The following ITGA11 variants were observed in gnomAD, a reference collection of about 807,000 sequenced individuals.
ITGA11 encodes integrin alpha-11.
In ITGA11, 97 loss-of-function variants were observed where a neutral mutation model predicts 141.9. That is an observed-to-expected ratio of 0.68 (90% CI 0.58 to 0.81). The LOEUF (loss-of-function observed/expected upper bound fraction) is 0.81, where lower values mean the gene tolerates loss of function less well. Among genes scored for constraint, ITGA11 ranks in the 30% least tolerant of loss-of-function variants. The pLI, the probability that ITGA11 is intolerant of heterozygous loss-of-function variation, is 0.00. For missense variants in ITGA11, 1,387 were observed against 1,559.2 expected (o/e 0.89, Z 1.86); for synonymous variants, 658 against 624.6 (o/e 1.05, Z -0.80).
chr15:68,383,037 C>T (rs1224960148), intron 2 of ITGA11, among the ~76,000 whole-genome samples: 4 of 151,980 alleles, frequency 2.6e-5, no homozygotes, highest in Admixed American at 6.5e-5. Flanking sequence ...TTTTGGAGGC[C>T]GAGGCAGGCG....
At chr15:68,408,391 A>T (rs906661229) in intron 1 of ITGA11, among the ~76,000 whole-genome samples, 2 of 151,918 alleles carry the variant, frequency 1.3e-5, no homozygotes, top group African/African-American at 4.8e-5. Flanking sequence ...TGACTGTCTG[A>T]TTACTCCTGT....
chr15:68,344,629 G>A (rs1159426698), intron 10 of ITGA11, among the ~76,000 whole-genome samples: 2 of 151,940 alleles, frequency 1.3e-5, no homozygotes, highest in African/African-American at 4.8e-5. Context: ...AAGAAGCGGA[G>A]GGAGAAAGAG....
chr15:68,364,633 TA>T, intron 4 of ITGA11, 73 bp downstream of exon 4: 1 of 935,174 alleles, frequency 1.1e-6, no homozygotes, highest in Non-Finnish European at 1.7e-6. Context: ...TGAGGGTGTG[TA>T]AGGAGACGCT....
intron 1 of ITGA11, among the ~76,000 whole-genome samples, chr15:68,408,481 A>C (rs1330312992): frequency 2.0e-5 from 3 of 152,132 alleles, no homozygotes; most frequent in Admixed American, 6.5e-5. Flanking sequence ...CACTTAGCAC[A>C]GGGGATGAGT....
At chr15:68,363,639 C>A (rs974312410) in intron 4 of ITGA11, among the ~76,000 whole-genome samples, 1 of 152,192 alleles carries the variant, frequency 6.6e-6, no homozygotes, top group Admixed American at 6.5e-5. Context: ...AGCACCCCAT[C>A]TAAAAATGGG....
chr15:68,410,532 GA>G (rs112407055), intron 1 of ITGA11, among the ~76,000 whole-genome samples: 6,275 of 151,912 alleles, frequency 0.041, 399 homozygotes, highest in African/African-American at 0.14. Context: ...TGCTATGGGG[GA>G]AAAAAAACAA....
chr15:68,418,952 C>T (rs893461651), intron 1 of ITGA11, among the ~76,000 whole-genome samples: 3 of 151,860 alleles, frequency 2.0e-5, no homozygotes, highest in African/African-American at 4.8e-5. Context: ...TTCCCTCAGA[C>T]GAGAGGAAGT....
intron 10 of ITGA11, among the ~76,000 whole-genome samples, chr15:68,339,861 T>C (rs1395874643): frequency 6.6e-6 from 1 of 152,044 alleles, no homozygotes; most frequent in African/African-American, 2.4e-5. Flanking sequence ...ACAAAATGGG[T>C]CAAATTGATC....
intron 2 of ITGA11, among the ~76,000 whole-genome samples, chr15:68,398,863 A>T (rs1379316010): frequency 6.7e-6 from 1 of 149,996 alleles, no homozygotes; most frequent in Admixed American, 6.7e-5. Context: ...GCAATAAGAG[A>T]TGTAAAACTT....
chr15:68,303,958 A>T lies in ITGA11; in HGVS notation c.3382-73T>A. On this transcript the variant is annotated intron_variant, in intron 28 of 29. Coordinates refer to ENST00000315757, the MANE Select transcript of ITGA11 (RefSeq NM_001004439.2). The surrounding 1 kb of genome is among the most constrained non-coding windows in gnomAD (Gnocchi z 5.3). ...GGGGTGGCAGTCTGGGAGGGGCAGG[A>T]GGGTGGAGACAGCTGGCACCTGGTG... 1.1e-6 allele frequency: 1 copy of T among 932,496 alleles called. No individual in the cohort carries two copies. Among genetic ancestry groups the T allele is most frequent in the Non-Finnish European group, 1.7e-6 (1 of 579,514 alleles). 57.8% of individuals were successfully genotyped at this position (932,496 alleles called of 1,614,324 possible).
At chr15:68,354,044 C>T (rs189922032) in intron 7 of ITGA11, among the ~76,000 whole-genome samples, 5 of 152,188 alleles carry the variant, frequency 3.3e-5, no homozygotes, top group East Asian at 3.9e-4. Flanking sequence ...AAAGGTCATC[C>T]GTCAGGGAAG....
At position 68,297,529 on chromosome 15, in the gene ITGA11, GTTTTTC is replaced by G. The variant is rs1170885530; in HGVS notation, c.*5524_*5529del. 6 of 134,992 alleles carry G rather than the reference GTTTTTC, an allele frequency of 4.4e-5. No homozygotes were observed. Among genetic ancestry groups the G allele is most frequent in the Non-Finnish European group, 9.5e-5 (6 of 63,088 alleles). The allele number at this position is 134,992 out of a possible 1,614,324, so 8.4% of individuals were successfully genotyped here. On this transcript the variant is annotated 3_prime_UTR_variant, in exon 30 of 30. Coordinates refer to ENST00000315757, the MANE Select transcript of ITGA11 (RefSeq NM_001004439.2). ...AGTTTTGTTTTGTTTTTTTTTTTAG[GTTTTTC>G]TTTTTAATGAAGGTCTTACAACTAT... is the stretch of plus-strand genomic sequence containing the variant.
At chr15:68,410,592 G>A (rs747449682) in intron 1 of ITGA11, among the ~76,000 whole-genome samples, 15 of 152,320 alleles carry the variant, frequency 9.8e-5, no homozygotes, top group Non-Finnish European at 1.9e-4. Flanking sequence ...TGGCTGTTTC[G>A]TATCCTCTGC....
intron 10 of ITGA11, among the ~76,000 whole-genome samples, chr15:68,346,827 A>T (rs1416974170): frequency 6.6e-6 from 1 of 152,030 alleles, no homozygotes; most frequent in Admixed American, 6.5e-5. Context: ...TACCTTGATC[A>T]CGTTGCTTTG....
intron 1 of ITGA11, among the ~76,000 whole-genome samples, chr15:68,406,720 C>A (rs547543307): frequency 6.6e-5 from 10 of 152,182 alleles, no homozygotes; most frequent in Non-Finnish European, 8.8e-5. Context: ...GGAGGTCCAG[C>A]TCGTAGATAC....
At chr15:68,364,593 G>T (rs1895354776) in intron 4 of ITGA11, 114 bp downstream of exon 4, 2 of 821,738 alleles carry the variant, frequency 2.4e-6, no homozygotes, top group Non-Finnish European at 4.1e-6. Flanking sequence ...GGTGGTTGGA[G>T]TGGGGGAGAG....
At chr15:68,404,528 G>A (rs2140415372) in intron 1 of ITGA11, among the ~76,000 whole-genome samples, 1 of 152,166 alleles carries the variant, frequency 6.6e-6, no homozygotes, top group African/African-American at 2.4e-5. Flanking sequence ...TTGGTTTCTG[G>A]GCCTCCTCAC....
chr15:68,315,746 A>G lies in ITGA11; in HGVS notation c.2716-19T>C, dbSNP rs377343439. 8 of 1,593,320 alleles carry G rather than the reference A, an allele frequency of 5.0e-6. No individual in the cohort carries two copies. Among genetic ancestry groups the G allele is most frequent in the Admixed American group, 3.4e-5 (2 of 58,120 alleles). On this transcript the variant is annotated intron_variant, in intron 21 of 29. Transcript: ENST00000315757. ...AAGCCACCTGCAAGGAAGCAGTCGC[A>G]TGTCTGGGCATTGCTGGGACCAGCC...
intron 2 of ITGA11, among the ~76,000 whole-genome samples, chr15:68,391,126 G>A (rs983252584): frequency 1.3e-5 from 2 of 152,058 alleles, no homozygotes; most frequent in South Asian, 4.2e-4. Flanking sequence ...AGGATTTGTG[G>A]TGGGATCCAC....
Sources: allele counts gnomAD v4.1 joint callset (sites outside exome capture counted in the v4.1 genomes callset), GRCh38; gene constraint gnomAD v4.1.1; non-coding constraint Gnocchi (gnomAD v3.1); transcripts MANE v1.5; gene names NCBI Gene and HGNC (gene_info 2026-07-23, HGNC 2026-07-21).